Variants in LRRC7 observed in about 807,000 individuals in gnomAD.
LRRC7 encodes leucine-rich repeat-containing protein 7.
In LRRC7, 23 loss-of-function variants were observed where a neutral mutation model predicts 175.7. The ratio of observed to expected loss-of-function variants is 0.13; its 90% CI spans 0.09 to 0.19. The LOEUF (loss-of-function observed/expected upper bound fraction) is 0.19. Ranked by LOEUF, LRRC7 falls within the 10% of genes least tolerant of loss-of-function variation. The pLI, the probability that LRRC7 is intolerant of heterozygous loss-of-function variation, is 1.00. For missense variants in LRRC7, 1,354 were observed against 1,904.7 expected, an observed-to-expected ratio of 0.71 and a Z score of 5.38; for synonymous variants, 685 against 680.9, an observed-to-expected ratio of 1.01 and a Z score of -0.09.
chr1:69,735,302 T>G (rs1304917967), intron 2 of LRRC7, among the ~76,000 whole-genome samples: 1 of 152,156 alleles, frequency 6.6e-6, no homozygotes, highest in African/African-American at 2.4e-5. Flanking sequence ...GCTACAGTAG[T>G]TTCTCTGCAT....
chr1:69,856,391 G>A (rs1038806850), intron 7 of LRRC7, among the ~76,000 whole-genome samples: 3 of 152,106 alleles, frequency 2.0e-5, no homozygotes, highest in African/African-American at 7.2e-5. Flanking sequence ...AGAAAAGAGA[G>A]AAGAATCAAT....
intron 11 of LRRC7, among the ~76,000 whole-genome samples, chr1:69,997,670 T>G (rs1465011467): frequency 4.7e-5 from 7 of 149,788 alleles, no homozygotes; most frequent in African/African-American, 1.7e-4. Flanking sequence ...ATGTGGTTTT[T>G]GTCTTTGGTT....
chr1:69,801,221 T>G (rs1676443901), intron 4 of LRRC7, among the ~76,000 whole-genome samples: 1 of 151,884 alleles, frequency 6.6e-6, no homozygotes, highest in African/African-American at 2.4e-5. Context: ...AGGATAATAC[T>G]TGCTTTCTAG....
chr1:69,648,532 G>A (rs1557541326), intron 1 of LRRC7, among the ~76,000 whole-genome samples: 1 of 152,270 alleles, frequency 6.6e-6, no homozygotes, highest in African/African-American at 2.4e-5. Context: ...AGAGAAATGG[G>A]AAAAGCCAGA....
intron 8 of LRRC7, among the ~76,000 whole-genome samples, chr1:69,979,105 T>G (rs1653145602): frequency 6.6e-6 from 1 of 152,182 alleles, no homozygotes; most frequent in South Asian, 2.1e-4. Flanking sequence ...GCAATAGTGT[T>G]TTCCCCAGAA....
rs994857193 is a variant in LRRC7, at chr1:70,129,775, G to C, written c.*7888G>C. On this transcript the variant is annotated 3_prime_UTR_variant, in exon 27 of 27. Coordinates refer to ENST00000651989, the MANE Select transcript of LRRC7 (RefSeq NM_001370785.2). ...TCCCCTGAAAATACTGTTTGCATGA[G>C]ATTGGATCACACATACCATGTATCA... Among the ~76,000 whole-genome samples, 9 of 152,198 alleles carry C rather than the reference G, an allele frequency of 5.9e-5. No individual in the cohort carries two copies. The highest frequency in any genetic ancestry group is 3.3e-4 in the Admixed American group (5 of 15,280).
rs1666315483 is a variant in LRRC7 at position 70,123,717 on chromosome 1, G to A, written c.*1830G>A. Reference sequence around the variant, plus strand: ...ATATTGAGAGTTTCAGATGAGAAATGTCTTTCAGAGACTAATTTTCTTTGT... The same window carrying A: ...ATATTGAGAGTTTCAGATGAGAAATATCTTTCAGAGACTAATTTTCTTTGT... On this transcript the variant is annotated 3_prime_UTR_variant, in exon 27 of 27. Coordinates refer to ENST00000651989, the MANE Select transcript of LRRC7 (RefSeq NM_001370785.2). Among the ~76,000 whole-genome samples the A allele has an allele frequency of 6.6e-6, 1 of 152,132 alleles. No individual in the cohort carries two copies. The highest frequency in any genetic ancestry group is 1.5e-5 in the Non-Finnish European group (1 of 68,014).
At chr1:70,072,467 G>T (rs540913686) in intron 23 of LRRC7, among the ~76,000 whole-genome samples, 21 of 152,132 alleles carry the variant, frequency 1.4e-4, no homozygotes, top group African/African-American at 3.9e-4. Flanking sequence ...TAGATGTCTT[G>T]TCATTTATGT....
At chr1:69,788,700 A>AT (rs1261943052) in intron 3 of LRRC7, among the ~76,000 whole-genome samples, 1 of 151,928 alleles carries the variant, frequency 6.6e-6, no homozygotes, top group African/African-American at 2.4e-5. Context: ...TCTCGTGTCC[A>AT]TTTTTTCACA....
chr1:69,873,164 C>A (rs953763195), intron 7 of LRRC7, among the ~76,000 whole-genome samples: 22 of 152,230 alleles, frequency 1.4e-4, no homozygotes, highest in Admixed American at 1.4e-3. Context: ...TGGCTTATCA[C>A]CTGATGATCA....
chr1:70,003,028 C>G (rs1480741020), intron 11 of LRRC7, among the ~76,000 whole-genome samples: 1 of 152,154 alleles, frequency 6.6e-6, no homozygotes, highest in Non-Finnish European at 1.5e-5. Context: ...ATGTTTACTT[C>G]TCACAGTTGT....
intron 8 of LRRC7, among the ~76,000 whole-genome samples, chr1:69,975,563 T>C (rs1652727722): frequency 6.6e-6 from 1 of 152,212 alleles, no homozygotes; most frequent in Non-Finnish European, 1.5e-5. Flanking sequence ...ATAATTGTTA[T>C]CATTGATATA....
chr1:70,006,178 G>T (rs947201384), intron 11 of LRRC7, among the ~76,000 whole-genome samples: 1 of 152,108 alleles, frequency 6.6e-6, no homozygotes, highest in Non-Finnish European at 1.5e-5. Flanking sequence ...TATGTGTTTT[G>T]CATCTGGAAG....
chr1:70,081,336 A>G (rs1171495260), intron 24 of LRRC7, among the ~76,000 whole-genome samples: 2 of 152,280 alleles, frequency 1.3e-5, no homozygotes, highest in African/African-American at 2.4e-5. Flanking sequence ...TACAAGACAC[A>G]GTATATTTAA....
intron 7 of LRRC7, among the ~76,000 whole-genome samples, chr1:69,907,994 G>A (rs1412074243): frequency 6.6e-6 from 1 of 152,146 alleles, no homozygotes; most frequent in Non-Finnish European, 1.5e-5. Flanking sequence ...TCTTGGGAGG[G>A]TGTATGTGTC....
At chr1:70,051,558 T>C (rs775980825) in intron 22 of LRRC7, among the ~76,000 whole-genome samples, 9 of 152,038 alleles carry the variant, frequency 5.9e-5, no homozygotes, top group Non-Finnish European at 1.2e-4. Context: ...AATTTTGAAG[T>C]AACACATACT....
rs59212223 is a variant in LRRC7, at chr1:69,600,800, CTTT to C, written c.2+32185_2+32187del. Among the ~76,000 whole-genome samples the C allele has an allele frequency of 5.7e-4, 37 of 64,898 alleles. 3 individuals are homozygous for C. Among genetic ancestry groups the C allele is most frequent in the African/African-American group, 1.7e-3 (28 of 16,174 alleles). 42.6% of individuals were successfully genotyped at this position (64,898 alleles called of 152,430 possible). A position where few individuals can be genotyped will look rare whatever the true frequency, so the allele number is the denominator to read the frequency against. On this transcript the variant is annotated intron_variant, in intron 1 of 26. Transcript: ENST00000651989. ...CCATTTCTCCAAGGATCTCTGGTTT[CTTT>C]TTTTTTTTTTTTTTTTTTTTTTTTT... is the stretch of plus-strand genomic sequence containing the variant.
chr1:69,837,205 T>C (rs1296110334), intron 6 of LRRC7, among the ~76,000 whole-genome samples: 1 of 151,924 alleles, frequency 6.6e-6, no homozygotes, highest in Admixed American at 6.6e-5. Context: ...CCCAGCATTG[T>C]CATGGGACAG....
At chr1:70,074,853 T>C (rs1288401446) in intron 23 of LRRC7, among the ~76,000 whole-genome samples, 1 of 151,854 alleles carries the variant, frequency 6.6e-6, no homozygotes, top group African/African-American at 2.4e-5. Context: ...TATGTTGCTC[T>C]TCTTTAAAAA....
Sources: gnomAD v4.1 joint callset for allele counts (sites outside exome capture counted in the v4.1 genomes callset) on GRCh38, gnomAD v4.1.1 for gene constraint, MANE v1.5 for transcripts, NCBI Gene and HGNC (gene_info 2026-07-23, HGNC 2026-07-21) for gene names.